The following NAV3 variants were observed in gnomAD, a reference collection of about 807,000 sequenced individuals.
NAV3 encodes the protein pore membrane and/or filament interacting like protein 1.
NAV3 carries 87 observed loss-of-function variants against 244.7 expected under a neutral mutation model. That is an observed-to-expected ratio of 0.36 (90% CI 0.30 to 0.42). The LOEUF (loss-of-function observed/expected upper bound fraction) is 0.42, where lower values mean the gene tolerates loss of function less well. NAV3 is among the 20% of genes least tolerant of loss of function. The pLI is 1.00. For synonymous variants in NAV3, 1,126 were observed against 1,042.2 expected (o/e 1.08, Z -1.55); for missense variants, 2,663 against 2,893.3 (o/e 0.92, Z 1.83).
chr12:77,586,757 G>T (rs1033947739), intron 2 of NAV3, among the ~76,000 whole-genome samples: 1 of 152,170 alleles, frequency 6.6e-6, no homozygotes, highest in Admixed American at 6.5e-5. Context: ...CAGTTCTTCA[G>T]TTGCACTAGC....
At chr12:78,186,298 A>C (rs1294688137) in intron 31 of NAV3, among the ~76,000 whole-genome samples, 1 of 151,982 alleles carries the variant, frequency 6.6e-6, no homozygotes, top group Non-Finnish European at 1.5e-5. Flanking sequence ...TTTTAAGTTA[A>C]AATTTTAGTT....
At chr12:77,962,496 T>G (rs1429714909) in intron 3 of NAV3, among the ~76,000 whole-genome samples, 1 of 152,154 alleles carries the variant, frequency 6.6e-6, no homozygotes, top group Non-Finnish European at 1.5e-5. Flanking sequence ...ACTCTTCTCT[T>G]TCTCTCAAAT....
intron 11 of NAV3, among the ~76,000 whole-genome samples, chr12:78,056,516 G>A (rs1452115686): frequency 6.6e-6 from 1 of 152,162 alleles, no homozygotes; most frequent in African/African-American, 2.4e-5. Context: ...ATCACCTTAA[G>A]TCAGGAGTTC....
chr12:77,799,085 T>C (rs574506185), intron 2 of NAV3, among the ~76,000 whole-genome samples: 15 of 152,318 alleles, frequency 9.8e-5, no homozygotes, highest in African/African-American at 3.6e-4. Context: ...CACATGTCTA[T>C]AGCAGCCTAT....
chr12:77,766,306 C>T (rs1456323731), intron 2 of NAV3, among the ~76,000 whole-genome samples: 1 of 152,122 alleles, frequency 6.6e-6, no homozygotes, highest in East Asian at 1.9e-4. Flanking sequence ...ACATGAACAC[C>T]ACCTTTTTCT....
intron 2 of NAV3, among the ~76,000 whole-genome samples, chr12:77,702,534 C>A (rs1444284676): frequency 6.6e-6 from 1 of 151,580 alleles, no homozygotes; most frequent in Non-Finnish European, 1.5e-5. Flanking sequence ...CTTTTCTTTC[C>A]TGCTTTCTTT....
chr12:78,105,007 A>G (rs1954730371), intron 12 of NAV3, among the ~76,000 whole-genome samples: 1 of 152,134 alleles, frequency 6.6e-6, no homozygotes, highest in African/African-American at 2.4e-5. Context: ...TTTGTTTAGG[A>G]TAGATTCCTA....
At chr12:77,658,850 C>A (rs373496879) in intron 2 of NAV3, among the ~76,000 whole-genome samples, 4 of 152,064 alleles carry the variant, frequency 2.6e-5, no homozygotes, top group East Asian at 3.9e-4. Context: ...GAAAAACAAG[C>A]AATGGGGAAA....
intron 23 of NAV3, among the ~76,000 whole-genome samples, chr12:78,159,512 A>G (rs1054371639): frequency 4.6e-5 from 7 of 152,038 alleles, no homozygotes; most frequent in South Asian, 4.2e-4. Flanking sequence ...AAAAACACAC[A>G]CAAAAAATTA....
intron 2 of NAV3, among the ~76,000 whole-genome samples, chr12:77,631,944 A>G (rs897695648): frequency 6.6e-6 from 1 of 152,204 alleles, no homozygotes; most frequent in Admixed American, 6.5e-5. Flanking sequence ...CCCGGAAATC[A>G]TTAGTACCTT....
At chr12:78,081,963 C>A (rs996447623) in intron 12 of NAV3, among the ~76,000 whole-genome samples, 1 of 152,214 alleles carries the variant, frequency 6.6e-6, no homozygotes, top group African/African-American at 2.4e-5. Flanking sequence ...TCTCCCCACC[C>A]AAATCTCATC....
At chr12:77,755,501 C>A (rs933715455) in intron 2 of NAV3, among the ~76,000 whole-genome samples, 5 of 119,964 alleles carry the variant, frequency 4.2e-5, no homozygotes, top group Middle Eastern at 4.3e-3. Context: ...CTCTTTCCCT[C>A]CCTCCCTGTG....
intron 16 of NAV3, among the ~76,000 whole-genome samples, chr12:78,123,033 T>C (rs943851590): frequency 1.8e-4 from 28 of 151,526 alleles, no homozygotes; most frequent in Non-Finnish European, 1.3e-4. Context: ...ATTGGCTTTA[T>C]ATATATATAT....
At chr12:77,871,320 G>A (rs1880919038) in intron 1 of NAV3, among the ~76,000 whole-genome samples, 1 of 151,804 alleles carries the variant, frequency 6.6e-6, no homozygotes, top group Non-Finnish European at 1.5e-5. Context: ...TTAAGTTCTG[G>A]GATACATGTG....
chr12:77,870,713 A>C (rs1173424059), intron 1 of NAV3, among the ~76,000 whole-genome samples: 1 of 152,154 alleles, frequency 6.6e-6, no homozygotes, highest in Non-Finnish European at 1.5e-5. Flanking sequence ...TGGGAAGAGG[A>C]AGAAAGACAG....
At chr12:77,617,260 TCC>T (rs1871177891) in intron 2 of NAV3, among the ~76,000 whole-genome samples, 1 of 152,168 alleles carries the variant, frequency 6.6e-6, no homozygotes, top group Non-Finnish European at 1.5e-5. Context: ...TCCCCAGTGA[TCC>T]CCACCATCTG....
At chr12:77,992,742 T>A (rs1871661750) in intron 5 of NAV3, among the ~76,000 whole-genome samples, 1 of 152,126 alleles carries the variant, frequency 6.6e-6, no homozygotes, top group Non-Finnish European at 1.5e-5. Flanking sequence ...ATACCATGCC[T>A]TTAAGAGATG....
At chr12:78,021,957 T>G (rs967538467) in intron 9 of NAV3, 95 bp downstream of exon 9, 1 of 669,430 alleles carries the variant, frequency 1.5e-6, no homozygotes. Context: ...TATACTGTTT[T>G]TAGTGCAAAA....
rs531319215 is a variant in NAV3, at chr12:78,071,113, CT to C, written c.2636+11999del. Among the ~76,000 whole-genome samples, 37 of 152,228 alleles carry C rather than the reference CT, an allele frequency of 2.4e-4. No individual in the cohort carries two copies. The South Asian group carries it at 7.7e-3, about 32-fold the overall frequency. ...AAATGGTATTTCCAGTTCTAAATCCCTGAGGAATTGCCACACTGACTTCCAC... is the reference window on the plus strand; with the variant it reads ...AAATGGTATTTCCAGTTCTAAATCCCGAGGAATTGCCACACTGACTTCCAC... On this transcript the variant is annotated intron_variant, in intron 12 of 39. Transcript: ENST00000397909.
Sources: gnomAD v4.1 joint callset for allele counts (sites outside exome capture counted in the v4.1 genomes callset) on GRCh38, gnomAD v4.1.1 for gene constraint, MANE v1.5 for transcripts, NCBI Gene and HGNC (gene_info 2026-07-23, HGNC 2026-07-21) for gene names.